The following CDK14 variants were observed in gnomAD, a reference collection of about 807,000 sequenced individuals.
CDK14 encodes the protein cyclin dependent kinase 14, also known as cyclin-dependent kinase 14.
CDK14 carries 34 observed loss-of-function variants against 60.7 expected under a neutral mutation model. The observed-to-expected ratio is 0.56, with a 90% CI of 0.43 to 0.75. The LOEUF (loss-of-function observed/expected upper bound fraction) is 0.75. Ranked by LOEUF, CDK14 falls within the 30% of genes least tolerant of loss-of-function variation. The pLI is 0.00. For synonymous variants in CDK14, 197 were observed against 203.7 expected, an observed-to-expected ratio of 0.97 and a Z score of 0.28; for missense variants, 482 against 564.1, an observed-to-expected ratio of 0.85 and a Z score of 1.47.
chr7:91,005,325 C>T (rs1795950184), intron 10 of CDK14, among the ~76,000 whole-genome samples: 1 of 152,256 alleles, frequency 6.6e-6, no homozygotes. Context: ...GGATCAAGAT[C>T]CTTCCTCGTT....
At chr7:90,874,174 G>A (rs1382287504) in intron 6 of CDK14, among the ~76,000 whole-genome samples, 1 of 152,020 alleles carries the variant, frequency 6.6e-6, no homozygotes, top group African/African-American at 2.4e-5. Flanking sequence ...ATGTGGTTTT[G>A]TCTTGAGGAA....
chr7:90,603,406 G>A (rs904189903), intron 1 of CDK14, among the ~76,000 whole-genome samples: 1 of 152,084 alleles, frequency 6.6e-6, no homozygotes, highest in African/African-American at 2.4e-5. Flanking sequence ...TTGCCATTGT[G>A]TTACAGTTGC....
At chr7:91,142,448 T>C (rs1800497970) in intron 14 of CDK14, among the ~76,000 whole-genome samples, 1 of 152,226 alleles carries the variant, frequency 6.6e-6, no homozygotes, top group Non-Finnish European at 1.5e-5. Flanking sequence ...AAGTGAAATA[T>C]TTCTTGTAGC....
intron 6 of CDK14, among the ~76,000 whole-genome samples, chr7:90,881,257 G>A (rs139402483): frequency 1.3e-5 from 2 of 152,182 alleles, no homozygotes; most frequent in Non-Finnish European, 2.9e-5. Flanking sequence ...TAAACGACCT[G>A]ATGGAGCTGA....
chr7:91,130,338 T>A (rs1800078536), intron 14 of CDK14, among the ~76,000 whole-genome samples: 1 of 152,164 alleles, frequency 6.6e-6, no homozygotes, highest in South Asian at 2.1e-4. Flanking sequence ...TGTTAACATG[T>A]AATGAGTTCT....
At chr7:90,916,194 G>A (rs1266531407) in intron 7 of CDK14, among the ~76,000 whole-genome samples, 2 of 152,142 alleles carry the variant, frequency 1.3e-5, no homozygotes, top group African/African-American at 2.4e-5. Context: ...AGTATTGGAA[G>A]TGAAGAATGA....
chr7:91,050,632 T>A (rs1797365634), intron 11 of CDK14, among the ~76,000 whole-genome samples: 1 of 152,212 alleles, frequency 6.6e-6, no homozygotes, highest in South Asian at 2.1e-4. Context: ...GCATGTTACA[T>A]ACAATAAGGA....
intron 3 of CDK14, among the ~76,000 whole-genome samples, chr7:90,728,168 T>C (rs1802709346): frequency 6.6e-6 from 1 of 152,078 alleles, no homozygotes; most frequent in Non-Finnish European, 1.5e-5. Flanking sequence ...CTTTATCTGC[T>C]TTTTTGTTTG....
chr7:90,598,704 ATTTT>A (rs796093975), intron 1 of CDK14, among the ~76,000 whole-genome samples: 5 of 87,890 alleles, frequency 5.7e-5, no homozygotes, highest in East Asian at 5.8e-4. Flanking sequence ...TTATCTAAGG[ATTTT>A]TTTTTTTTTT....
intron 14 of CDK14, among the ~76,000 whole-genome samples, chr7:91,128,034 A>G (rs971467013): frequency 2.0e-5 from 3 of 152,052 alleles, no homozygotes; most frequent in African/African-American, 7.2e-5. Flanking sequence ...TGGCGTGGAG[A>G]TCTTCATCTT....
In CDK14 at chr7:90,981,137, T is replaced by C. The variant is rs906795585; in HGVS notation, c.948-3011T>C. Among the ~76,000 whole-genome samples, 3 of 152,280 alleles carry C rather than the reference T, an allele frequency of 2.0e-5. No individual in the cohort carries two copies. The East Asian group carries it at 5.8e-4, about 29-fold the overall frequency. On this transcript the variant is annotated intron_variant, in intron 9 of 14. Coordinates refer to ENST00000380050, the MANE Select transcript of CDK14 (RefSeq NM_001287135.2). The stretch of plus-strand genomic sequence containing the variant: ...CTATTTAAGATCCAAGGTATTTTAT[T>C]GTATAAACTAAAATAAGAAGAAAAT...
intron 2 of CDK14, among the ~76,000 whole-genome samples, chr7:90,720,938 G>C (rs1172169296): frequency 6.6e-6 from 1 of 152,080 alleles, no homozygotes; most frequent in African/African-American, 2.4e-5. Context: ...TGAGTCACGG[G>C]TTGGCAGTTA....
chr7:90,885,537 C>A (rs10808082), intron 6 of CDK14, among the ~76,000 whole-genome samples: 85,091 of 151,960 alleles, frequency 0.56, 24,113 homozygotes, highest in East Asian at 0.73. Flanking sequence ...ACCAGAAGTA[C>A]CATTTGACTC....
intron 2 of CDK14, among the ~76,000 whole-genome samples, chr7:90,668,893 A>ATT (rs59557254): frequency 2.0e-4 from 29 of 147,250 alleles, no homozygotes; most frequent in Middle Eastern, 3.6e-3. Flanking sequence ...TTGTTTATTT[A>ATT]TTTTTTTTTA....
chr7:91,033,820 T>A (rs1796834754), intron 10 of CDK14, among the ~76,000 whole-genome samples: 1 of 152,190 alleles, frequency 6.6e-6, no homozygotes, highest in South Asian at 2.1e-4. Context: ...AGTTGGGGAC[T>A]GAGTCTGAAG....
intron 13 of CDK14, among the ~76,000 whole-genome samples, chr7:91,117,651 C>T (rs146946444): frequency 7.2e-5 from 11 of 152,058 alleles, no homozygotes; most frequent in Middle Eastern, 6.3e-3. Flanking sequence ...GCCTGTCTCC[C>T]CCAAATGGAC....
chr7:90,750,796 C>T (rs1389019289), intron 4 of CDK14, among the ~76,000 whole-genome samples: 1 of 151,934 alleles, frequency 6.6e-6, no homozygotes, highest in East Asian at 1.9e-4. Flanking sequence ...TAGCTTGAAC[C>T]TGCGAGGCGG....
At chr7:90,760,106 C>T in intron 4 of CDK14, among the ~76,000 whole-genome samples, 1 of 152,122 alleles carries the variant, frequency 6.6e-6, no homozygotes, top group South Asian at 2.1e-4. Context: ...AATAATTGAA[C>T]TTGAATTAAA....
chr7:90,676,526 CATT>C (rs1439571095), intron 2 of CDK14, among the ~76,000 whole-genome samples: 2 of 64,994 alleles, frequency 3.1e-5, no homozygotes, highest in Non-Finnish European at 5.4e-5. Context: ...TTAGATGTTT[CATT>C]TTTTTTTTTT....
Sources: allele counts gnomAD v4.1 joint callset (sites outside exome capture counted in the v4.1 genomes callset), GRCh38; gene constraint gnomAD v4.1.1; transcripts MANE v1.5; gene names NCBI Gene and HGNC (gene_info 2026-07-23, HGNC 2026-07-21).